SORCS3: variants seen among roughly 807,000 people sequenced by gnomAD.
The protein encoded by SORCS3 is sortilin related VPS10 domain containing receptor 3.
In SORCS3, 57 loss-of-function variants were observed where a neutral mutation model predicts 146.3. The observed-to-expected ratio is 0.39, with a 90% CI of 0.31 to 0.49. The LOEUF (loss-of-function observed/expected upper bound fraction) is 0.49. Ranked by LOEUF, SORCS3 falls within the 20% of genes least tolerant of loss-of-function variation. The pLI is 0.92. For missense variants in SORCS3, 1,341 were observed against 1,575.5 expected (o/e 0.85, Z 2.52); for synonymous variants, 653 against 618.5 (o/e 1.06, Z -0.83).
chr10:104,709,890 G>C (rs1259129508), intron 1 of SORCS3, among the ~76,000 whole-genome samples: 1 of 151,228 alleles, frequency 6.6e-6, no homozygotes, highest in Non-Finnish European at 1.5e-5. Flanking sequence ...TCAGGCAGTG[G>C]TGTTGGTTTT....
intron 13 of SORCS3, 88 bp from the exon 14 acceptor site, chr10:105,177,978 G>C: frequency 1.1e-6 from 1 of 933,314 alleles, no homozygotes; most frequent in Admixed American, 2.1e-5. Context: ...GCAAGATACA[G>C]AGGAAAATTT....
At chr10:104,765,570 C>G (rs1266464684) in intron 1 of SORCS3, among the ~76,000 whole-genome samples, 1 of 152,180 alleles carries the variant, frequency 6.6e-6, no homozygotes, top group Non-Finnish European at 1.5e-5. Context: ...TCCAGCCAGC[C>G]CCCTGTGCAC....
At chr10:104,879,895 A>G (rs2018614424) in intron 2 of SORCS3, among the ~76,000 whole-genome samples, 1 of 152,170 alleles carries the variant, frequency 6.6e-6, no homozygotes, top group Non-Finnish European at 1.5e-5. Context: ...GGCAATAGCT[A>G]GAAGAGAGGT....
chr10:105,254,521 G>A (rs1325665604), intron 23 of SORCS3, among the ~76,000 whole-genome samples: 1 of 152,210 alleles, frequency 6.6e-6, no homozygotes, highest in Non-Finnish European at 1.5e-5. Context: ...ATAGGAGAAT[G>A]GTTCTAGGAC....
rs1258617373 is a variant in SORCS3, at chr10:105,129,327, T to TTCTCTCTCTC, written c.1213-10065_1213-10064insCTCTCTCTCT. 4.6e-5 allele frequency among the ~76,000 whole-genome samples: 4 copies of TTCTCTCTCTC among 86,400 alleles called. 1 individual carries two copies. Among genetic ancestry groups the TTCTCTCTCTC allele is most frequent in the Admixed American group, 2.7e-4 (2 of 7,336 alleles). 56.7% of individuals were successfully genotyped at this position (86,400 alleles called of 152,430 possible). A position where few individuals can be genotyped will look rare whatever the true frequency, so the allele number is the denominator to read the frequency against. On this transcript the variant is annotated intron_variant, in intron 7 of 26. Transcript: ENST00000369701. The stretch of plus-strand genomic sequence containing the variant: ...TTTTCTTTCTCTTTTCTTTCTTTCT[T>TTCTCTCTCTC]TCTCTTTTTTTTTTTTTTTTTTTTT...
At position 104,675,667 on chromosome 10, in the gene SORCS3, G is replaced by A. The variant is rs143527244; in HGVS notation, c.627+33713G>A. 2.0e-4 allele frequency among the ~76,000 whole-genome samples: 30 copies of A among 152,262 alleles called. No homozygotes were observed. In the East Asian group the frequency reaches 4.4e-3, roughly 23 times the overall value. On this transcript the variant is annotated intron_variant, in intron 1 of 26. Transcript: ENST00000369701. Reference sequence around the variant, plus strand: ...AAGATGTCTTTGTTGCAAATCAGGCGTCTTACTTGTGTGTCCATTTGTGAA... The same window carrying A: ...AAGATGTCTTTGTTGCAAATCAGGCATCTTACTTGTGTGTCCATTTGTGAA...
rs1564661410 is a variant in SORCS3 at position 104,696,553 on chromosome 10, A to ATT, written c.627+54599_627+54600insTT. Among the ~76,000 whole-genome samples the ATT allele has an allele frequency of 4.2e-3, 121 of 28,692 alleles. 17 individuals carry two copies. The highest frequency in any genetic ancestry group is 0.013 in the African/African-American group (117 of 8,878). The allele number at this position is 28,692 out of a possible 152,430, so 18.8% of individuals were successfully genotyped here. ...TATATTATATACATATATAATATAG[A>ATT]ATATATAATATACGTATATAATATA... is the stretch of plus-strand genomic sequence containing the variant. On this transcript the variant is annotated intron_variant, in intron 1 of 26. Transcript: ENST00000369701.
At chr10:104,892,203 A>C (rs1428786446) in intron 2 of SORCS3, among the ~76,000 whole-genome samples, 1 of 152,190 alleles carries the variant, frequency 6.6e-6, no homozygotes, top group Non-Finnish European at 1.5e-5. Flanking sequence ...TAAGTATACT[A>C]ATAACTTAAT....
At chr10:105,225,018 TC>T (rs1264158016) in intron 20 of SORCS3, among the ~76,000 whole-genome samples, 2 of 152,146 alleles carry the variant, frequency 1.3e-5, no homozygotes, top group African/African-American at 4.8e-5. Flanking sequence ...AATATTTTCT[TC>T]CACTCTGTGG....
At chr10:104,657,174 T>TGA (rs1466777474) in intron 1 of SORCS3, among the ~76,000 whole-genome samples, 1 of 152,046 alleles carries the variant, frequency 6.6e-6, no homozygotes, top group East Asian at 1.9e-4. Context: ...AGGAGGAGGA[T>TGA]GAGAGACAAC....
Position 104,986,108 on chromosome 10 carries a change from A to C in SORCS3, c.954+8615A>C, listed in dbSNP as rs547718721. 3.2e-4 allele frequency among the ~76,000 whole-genome samples: 48 copies of C among 152,338 alleles called. 1 individual carries two copies. In the South Asian group the frequency reaches 9.5e-3, roughly 30 times the overall value. ...CTAGATGACACTGTCTTCCAATAGA[A>C]GGCTGCTCATTGAAAATCTTGTTTT... is the stretch of plus-strand genomic sequence containing the variant. On this transcript the variant is annotated intron_variant, in intron 4 of 26. Coordinates refer to ENST00000369701, the MANE Select transcript of SORCS3 (RefSeq NM_014978.3).
chr10:104,926,425 T>TA (rs141595920), intron 3 of SORCS3, among the ~76,000 whole-genome samples: 4,588 of 150,482 alleles, frequency 0.03, 230 homozygotes, highest in African/African-American at 0.11. Context: ...AAGGAAGAAG[T>TA]AAAAAAAAAG....
chr10:104,651,732 C>T (rs953612444), intron 1 of SORCS3, among the ~76,000 whole-genome samples: 1 of 151,890 alleles, frequency 6.6e-6, no homozygotes, highest in Non-Finnish European at 1.5e-5. Context: ...TGTTAATTCT[C>T]ATTTGGAGAT....
chr10:104,719,225 G>C (rs1334254466), intron 1 of SORCS3, among the ~76,000 whole-genome samples: 2 of 152,064 alleles, frequency 1.3e-5, no homozygotes, highest in Non-Finnish European at 1.5e-5. Flanking sequence ...GGACAGCACG[G>C]GTCTAGAAGG....
chr10:104,727,530 GAT>G (rs2016650818), intron 1 of SORCS3, among the ~76,000 whole-genome samples: 1 of 120,328 alleles, frequency 8.3e-6, no homozygotes, highest in Admixed American at 9.2e-5. Context: ...TCTTAGAAGG[GAT>G]ATATGTGTGT....
intron 3 of SORCS3, among the ~76,000 whole-genome samples, chr10:104,922,776 A>G (rs1190574498): frequency 1.3e-5 from 2 of 151,980 alleles, no homozygotes; most frequent in Non-Finnish European, 2.9e-5. Flanking sequence ...TGGCATATTC[A>G]AGTGGTAACT....
intron 4 of SORCS3, among the ~76,000 whole-genome samples, chr10:105,015,343 G>C (rs975950853): frequency 1.3e-5 from 2 of 152,160 alleles, no homozygotes; most frequent in East Asian, 1.9e-4. Context: ...TCTTGTTATA[G>C]CAAAAAGGCT....
At chr10:104,976,641 G>A (rs1394351766) in intron 3 of SORCS3, among the ~76,000 whole-genome samples, 2 of 152,278 alleles carry the variant, frequency 1.3e-5, no homozygotes, top group East Asian at 3.9e-4. Flanking sequence ...ATTCACAATA[G>A]CAAAGACTTG....
At chr10:105,155,428 A>G (rs1469953256) in intron 9 of SORCS3, among the ~76,000 whole-genome samples, 1 of 152,160 alleles carries the variant, frequency 6.6e-6, no homozygotes, top group Non-Finnish European at 1.5e-5. Context: ...TAACTGGTTT[A>G]GGGGAGTGAG....
Sources: allele counts gnomAD v4.1 joint callset (sites outside exome capture counted in the v4.1 genomes callset), GRCh38; gene constraint gnomAD v4.1.1; transcripts MANE v1.5; gene names NCBI Gene and HGNC (gene_info 2026-07-23, HGNC 2026-07-21).